The following FBXL13 variants were observed in gnomAD, a reference collection of about 807,000 sequenced individuals.
The protein encoded by FBXL13 is F-box and leucine rich repeat protein 13, also known as F-box and leucine-rich repeat protein 13.
In FBXL13, 67 loss-of-function variants were observed where a neutral mutation model predicts 83.6. The ratio of observed to expected loss-of-function variants is 0.80; its 90% confidence interval spans 0.66 to 0.98. The LOEUF is 0.98. Ranked by LOEUF, FBXL13 falls within the 50% of genes least tolerant of loss-of-function variation. The pLI is 0.00. For synonymous variants in FBXL13, 272 were observed against 299.5 expected, an observed-to-expected ratio of 0.91 and a Z score of 0.95; for missense variants, 822 against 866.5, an observed-to-expected ratio of 0.95 and a Z score of 0.64.
At chr7:102,999,425 C>G (rs1342711309) in intron 6 of FBXL13, among the ~76,000 whole-genome samples, 1 of 152,136 alleles carries the variant, frequency 6.6e-6, no homozygotes, top group Non-Finnish European at 1.5e-5. Context: ...TAATGCTGGC[C>G]TCATAGAACA....
At chr7:103,024,133 A>G (rs1042615785) in intron 6 of FBXL13, among the ~76,000 whole-genome samples, 58 of 70,656 alleles carry the variant, frequency 8.2e-4, no homozygotes, top group Admixed American at 4.0e-3. Flanking sequence ...ATAAAAGTTA[A>G]AAAGAGAGAG....
At chr7:103,051,963 G>T (rs1796860356) in intron 2 of FBXL13, among the ~76,000 whole-genome samples, 2 of 152,188 alleles carry the variant, frequency 1.3e-5, no homozygotes, top group Non-Finnish European at 2.9e-5. Flanking sequence ...AAGCTAGGTT[G>T]CAGTTCTTCC....
At chr7:103,003,997 T>C (rs1258902894) in intron 6 of FBXL13, among the ~76,000 whole-genome samples, 1 of 152,248 alleles carries the variant, frequency 6.6e-6, no homozygotes, top group Non-Finnish European at 1.5e-5. Flanking sequence ...TTAGAACTGT[T>C]ATTTTGAATT....
chr7:102,923,162 T>C (rs898987849), intron 10 of FBXL13, among the ~76,000 whole-genome samples: 2 of 152,218 alleles, frequency 1.3e-5, no homozygotes, highest in African/African-American at 4.8e-5. Flanking sequence ...AGTTTTCAAG[T>C]ATTGAGAGAA....
intron 11 of FBXL13, among the ~76,000 whole-genome samples, chr7:102,894,016 GAAAGA>G (rs1274659375): frequency 1.3e-5 from 2 of 151,116 alleles, no homozygotes; most frequent in East Asian, 1.9e-4. Context: ...AAAGAAAGAG[GAAAGA>G]AAAGAAAAGA....
chr7:102,950,029 T>C (rs1446056225), intron 8 of FBXL13, among the ~76,000 whole-genome samples: 2 of 152,068 alleles, frequency 1.3e-5, no homozygotes, highest in Non-Finnish European at 2.9e-5. Flanking sequence ...TTGTTTGAAC[T>C]GGGGAGATGT....
intron 8 of FBXL13, chr7:102,944,689 T>C: frequency 7.8e-7 from 1 of 1,278,832 alleles, no homozygotes; most frequent in African/African-American, 1.5e-5. Flanking sequence ...TGATTAACTG[T>C]GTTGCCTATT....
At chr7:103,033,211 AAAGAC>A (rs1794699716) in intron 2 of FBXL13, among the ~76,000 whole-genome samples, 1 of 152,120 alleles carries the variant, frequency 6.6e-6, no homozygotes, top group African/African-American at 2.4e-5. Context: ...GCTCTGAAAG[AAAGAC>A]AAGAATGGGG....
chr7:103,016,412 C>T (rs1563222272), intron 6 of FBXL13, among the ~76,000 whole-genome samples: 1 of 152,000 alleles, frequency 6.6e-6, no homozygotes, highest in Non-Finnish European at 1.5e-5. Flanking sequence ...GTGATTTCTG[C>T]ACTTCCAACT....
chr7:102,852,121 T>C (rs1048016150), intron 17 of FBXL13, among the ~76,000 whole-genome samples: 5 of 152,170 alleles, frequency 3.3e-5, no homozygotes, highest in African/African-American at 1.2e-4. Context: ...TTCATCGCTC[T>C]CCATGTAAAA....
intron 11 of FBXL13, among the ~76,000 whole-genome samples, chr7:102,887,408 C>G (rs1180378184): frequency 4.9e-5 from 7 of 142,502 alleles, no homozygotes. Context: ...AGTATATATA[C>G]ATACATACAC....
intron 10 of FBXL13, 37 bp downstream of exon 11, chr7:102,926,237 A>C: frequency 1.9e-6 from 3 of 1,581,400 alleles, no homozygotes; most frequent in East Asian, 4.5e-5. Context: ...TGGGAGCATA[A>C]TTTTTTTCAG....
At chr7:102,853,157 T>C (rs139204710) in intron 17 of FBXL13, among the ~76,000 whole-genome samples, 1 of 152,142 alleles carries the variant, frequency 6.6e-6, no homozygotes, top group East Asian at 1.9e-4. Context: ...ATGCAATGGA[T>C]TTTGGGGACT....
At chr7:102,911,686 T>C (rs1036006373) in intron 11 of FBXL13, among the ~76,000 whole-genome samples, 4 of 152,218 alleles carry the variant, frequency 2.6e-5, no homozygotes, top group Non-Finnish European at 4.4e-5. Context: ...AAAGAACTTA[T>C]AATTCCAAGT....
At chr7:102,838,745 G>T (rs534166681) in intron 17 of FBXL13, among the ~76,000 whole-genome samples, 1 of 152,276 alleles carries the variant, frequency 6.6e-6, no homozygotes, top group African/African-American at 2.4e-5. Context: ...GCAGTATGCT[G>T]GGTAAAAGTC....
intron 17 of FBXL13, among the ~76,000 whole-genome samples, chr7:102,841,254 T>C (rs1802883100): frequency 6.6e-6 from 1 of 152,210 alleles, no homozygotes; most frequent in Non-Finnish European, 1.5e-5. Context: ...TGACAGTTTT[T>C]TTTTTTTTAA....
At chr7:102,862,915 C>A (rs904360779) in intron 16 of FBXL13, among the ~76,000 whole-genome samples, 4 of 152,188 alleles carry the variant, frequency 2.6e-5, no homozygotes, top group Non-Finnish European at 2.9e-5. Context: ...TGGAACTTGA[C>A]CTTCTCTTCT....
intron 2 of FBXL13, among the ~76,000 whole-genome samples, chr7:103,052,251 GTATAC>G (rs1470913718): frequency 6.6e-6 from 1 of 152,086 alleles, no homozygotes; most frequent in Non-Finnish European, 1.5e-5. Context: ...TATTCATTTA[GTATAC>G]TATACATTTT....
intron 11 of FBXL13, among the ~76,000 whole-genome samples, chr7:102,909,321 G>A (rs1321889206): frequency 1.3e-5 from 2 of 152,010 alleles, no homozygotes; most frequent in African/African-American, 4.8e-5. Context: ...CCCAAGGCAG[G>A]TCCAGAATTG....
Sources: allele counts gnomAD v4.1 joint callset (sites outside exome capture counted in the v4.1 genomes callset), GRCh38; gene constraint gnomAD v4.1.1; transcripts MANE v1.5; gene names NCBI Gene and HGNC (gene_info 2026-07-23, HGNC 2026-07-21).